Variants in SLC41A3 observed in about 807,000 individuals in gnomAD.
SLC41A3 encodes solute carrier family 41 member 3.
SLC41A3 carries 44 observed loss-of-function variants against 45.4 expected under a neutral mutation model. The ratio of observed to expected loss-of-function variants is 0.97; its 90% CI spans 0.76 to 1.25. The LOEUF (loss-of-function observed/expected upper bound fraction) is 1.25. SLC41A3 is among the 50% of genes most tolerant of loss of function. The pLI, the probability that SLC41A3 is intolerant of heterozygous loss-of-function variation, is 0.00. For missense variants in SLC41A3, 550 were observed against 600.6 expected (o/e 0.92, Z 0.88); for synonymous variants, 256 against 252.4 (o/e 1.01, Z -0.13).
Position 126,093,034 on chromosome 3 carries a change from C to T in SLC41A3, c.-79+8395G>A, listed in dbSNP as rs150421590. 4.1e-3 allele frequency among the ~76,000 whole-genome samples: 621 copies of T among 152,238 alleles called. 4 individuals carry two copies. The highest frequency in any genetic ancestry group is 0.014 in the African/African-American group (575 of 41,526). ...GTGACTGTTCGAGCAGCACCTCAAG[C>T]GACCGCTTTCAGTTCTATTTAGGCA... On this transcript the variant is annotated intron_variant, in intron 1 of 9. Transcript: ENST00000508835.
At position 126,033,591 on chromosome 3, in the gene SLC41A3, C is replaced by T; in HGVS notation, c.453+16G>A. On this transcript the variant is annotated intron_variant, in intron 4 of 10. Transcript: ENST00000360370. ...TGCAGATTCAGAAGGGAGGGTCGGA[C>T]AAGGTGAAGACTCACCTGGATGAGG... 6.2e-7 allele frequency: 1 copy of T among 1,610,364 alleles called. No individual in the cohort carries two copies. Among genetic ancestry groups the T allele is most frequent in the Non-Finnish European group, 8.5e-7 (1 of 1,179,046 alleles).
At chr3:126,056,568 C>G (rs759507835) in intron 2 of SLC41A3, 2 of 1,610,750 alleles carry the variant, frequency 1.2e-6, no homozygotes, top group Non-Finnish European at 1.7e-6. Context: ...GGCAATGCAC[C>G]ACGATCCCAG....
intron 6 of SLC41A3, among the ~76,000 whole-genome samples, chr3:126,019,661 TGA>T: frequency 6.6e-6 from 1 of 152,272 alleles, no homozygotes; most frequent in African/African-American, 2.4e-5. Flanking sequence ...GGCCAAAACC[TGA>T]GAGAGCAGAC....
At chr3:126,101,242 C>CCT (rs1945703774) in intron 1 of SLC41A3, among the ~76,000 whole-genome samples, 1 of 152,248 alleles carries the variant, frequency 6.6e-6, no homozygotes, top group Non-Finnish European at 1.5e-5. Flanking sequence ...CCGCACAGAT[C>CCT]ATTTGCAGCC....
intron 2 of SLC41A3, among the ~76,000 whole-genome samples, chr3:126,051,459 G>A (rs4128151): frequency 0.34 from 51,085 of 152,004 alleles, 8,800 homozygotes; most frequent in African/African-American, 0.38. Context: ...GGGGATCAAC[G>A]ATCTTCACAC....
At chr3:126,036,186 A>G (rs764374620) in intron 3 of SLC41A3, among the ~76,000 whole-genome samples, 1 of 152,194 alleles carries the variant, frequency 6.6e-6, no homozygotes, top group Non-Finnish European at 1.5e-5. Flanking sequence ...GTCTACGTAA[A>G]ACAGCCTGCT....
chr3:126,051,650 TG>T (rs1345933609), intron 2 of SLC41A3, among the ~76,000 whole-genome samples: 16 of 152,048 alleles, frequency 1.1e-4, no homozygotes, highest in African/African-American at 3.9e-4. Context: ...TCAAGGAAAA[TG>T]GAAGAGAAAA....
At chr3:126,029,367 C>G (rs755167923) in intron 4 of SLC41A3, among the ~76,000 whole-genome samples, 1 of 77,944 alleles carries the variant, frequency 1.3e-5, no homozygotes, top group Non-Finnish European at 2.8e-5. Flanking sequence ...ATGTGGCACT[C>G]CCTCCCCCAC....
chr3:126,029,366 T>TCC (rs148425749), intron 4 of SLC41A3, among the ~76,000 whole-genome samples: 4,828 of 149,670 alleles, frequency 0.032, 102 homozygotes, highest in Non-Finnish European at 0.046. Flanking sequence ...TATGTGGCAC[T>TCC]CCCTCCCCCA....
intron 1 of SLC41A3, among the ~76,000 whole-genome samples, chr3:126,069,078 G>A (rs543253221): frequency 3.4e-5 from 5 of 145,144 alleles, no homozygotes; most frequent in East Asian, 2.3e-4. Flanking sequence ...AGGTTGGTGC[G>A]AAAGTAATTG....
At chr3:126,069,114 C>T (rs1329103875) in intron 1 of SLC41A3, among the ~76,000 whole-genome samples, 2 of 141,200 alleles carry the variant, frequency 1.4e-5, no homozygotes, top group Admixed American at 6.9e-5. Context: ...CTTTTGACAG[C>T]AAAAACTGCA....
chr3:126,053,832 C>T (rs1052590175), intron 2 of SLC41A3, among the ~76,000 whole-genome samples: 1 of 152,154 alleles, frequency 6.6e-6, no homozygotes, highest in Non-Finnish European at 1.5e-5. Context: ...CAAACTTCTC[C>T]TTGCCACCCG....
At chr3:126,038,668 G>T (rs148092197) in intron 3 of SLC41A3, among the ~76,000 whole-genome samples, 1 of 152,296 alleles carries the variant, frequency 6.6e-6, no homozygotes, top group Non-Finnish European at 1.5e-5. Flanking sequence ...ATGTGCACTC[G>T]GTTTCAGATG....
intron 7 of SLC41A3, among the ~76,000 whole-genome samples, 157 bp from the exon 8 acceptor site, chr3:126,015,730 C>T (rs1177706074): frequency 6.6e-6 from 1 of 152,186 alleles, no homozygotes; most frequent in Non-Finnish European, 1.5e-5. Context: ...AAACTGGTCT[C>T]CCCAGCATCC....
intron 1 of SLC41A3, chr3:126,095,130 A>G (rs1230037047): frequency 5.0e-6 from 3 of 603,018 alleles, no homozygotes; most frequent in Non-Finnish European, 5.9e-6. Context: ...CAATAACAAA[A>G]AATTGGGAAA....
chr3:126,072,626 TG>T (rs1458693548), intron 1 of SLC41A3, among the ~76,000 whole-genome samples: 2 of 152,238 alleles, frequency 1.3e-5, no homozygotes, highest in African/African-American at 4.8e-5. Context: ...TAACAGATGC[TG>T]GTGAGGTTGT....
chr3:126,022,986 C>T, intron 5 of SLC41A3, 54 bp from the exon 6 acceptor site: 1 of 1,607,476 alleles, frequency 6.2e-7, no homozygotes, highest in Non-Finnish European at 8.5e-7. Context: ...AGCCAGATGG[C>T]TCTGAGCAGG....
intron 3 of SLC41A3, among the ~76,000 whole-genome samples, chr3:126,040,437 C>T (rs1049645367): frequency 3.9e-5 from 6 of 152,200 alleles, no homozygotes; most frequent in African/African-American, 9.6e-5. Context: ...TAACTGAAAA[C>T]GACAGAGGAA....
intron 1 of SLC41A3, chr3:126,095,334 C>T (rs1009990342): frequency 1.7e-6 from 1 of 577,096 alleles, no homozygotes; most frequent in Non-Finnish European, 3.1e-6. Context: ...CCCCAACTGT[C>T]ACAAGCAACA....
Sources: allele counts gnomAD v4.1 joint callset (sites outside exome capture counted in the v4.1 genomes callset), GRCh38; gene constraint gnomAD v4.1.1; transcripts MANE v1.5; gene names NCBI Gene and HGNC (gene_info 2026-07-23, HGNC 2026-07-21).